The following GPHN variants were observed in gnomAD, a reference collection of about 807,000 sequenced individuals.
GPHN encodes the protein gephyrin.
Under a neutral mutation model 95.5 loss-of-function variants are expected in GPHN, and 17 were observed. The observed-to-expected ratio is 0.18, with a 90% CI of 0.12 to 0.27. The LOEUF is 0.27. GPHN is among the 10% of genes least tolerant of loss of function. The pLI, the probability that GPHN is intolerant of heterozygous loss-of-function variation, is 1.00. For synonymous variants in GPHN, 320 were observed against 322.5 expected (o/e 0.99, Z 0.08); for missense variants, 660 against 978.1 (o/e 0.67, Z 4.34).
rs1397296237 is a variant in GPHN, at chr14:67,095,584, G to A, written c.1238-5272G>A. Among the ~76,000 whole-genome samples the A allele has an allele frequency of 2.6e-5, 4 of 151,764 alleles. No individual in the cohort carries two copies. In the East Asian group the frequency reaches 7.7e-4, roughly 29 times the overall value. On this transcript the variant is annotated intron_variant, in intron 12 of 22. Transcript: ENST00000478722. Reference sequence around the variant, plus strand: ...GAAAATGTGGCACATATACACCATGGAATACTATGCAGCCATAAAAAACGA... The same window carrying A: ...GAAAATGTGGCACATATACACCATGAAATACTATGCAGCCATAAAAAACGA...
chr14:67,594,016 G>A, the GPHN span: 15 of 1,066,352 alleles, frequency 1.4e-5, no homozygotes, highest in Non-Finnish European at 2.1e-5. Flanking sequence ...TCCAGGCAAT[G>A]AGGGGAACAT....
At chr14:66,834,029 A>AAGT (rs1381293550) in intron 4 of GPHN, among the ~76,000 whole-genome samples, 2 of 152,170 alleles carry the variant, frequency 1.3e-5, no homozygotes, top group Non-Finnish European at 2.9e-5. Flanking sequence ...TCTATCGAAG[A>AAGT]GTTCATTGTT....
chr14:66,747,454 A>G (rs567960560), intron 2 of GPHN, among the ~76,000 whole-genome samples: 2 of 152,284 alleles, frequency 1.3e-5, no homozygotes, highest in South Asian at 2.1e-4. Context: ...GAAGTTGACT[A>G]TAAATTAGAT....
intron 9 of GPHN, among the ~76,000 whole-genome samples, chr14:66,993,232 C>G (rs543081812): frequency 6.6e-6 from 1 of 151,910 alleles, no homozygotes; most frequent in East Asian, 1.9e-4. Flanking sequence ...TAGCTATTCT[C>G]TCTCTCTCTT....
chr14:67,517,599 G>T, the GPHN span, among the ~76,000 whole-genome samples: 2 of 152,118 alleles, frequency 1.3e-5, no homozygotes, highest in East Asian at 1.9e-4. Context: ...AAGGTGCAAG[G>T]CATGGCATCA....
chr14:66,651,959 T>G (rs191019127), intron 1 of GPHN, among the ~76,000 whole-genome samples: 2 of 152,156 alleles, frequency 1.3e-5, no homozygotes, highest in East Asian at 3.9e-4. Context: ...AAGTACACAA[T>G]AAATATAATG....
At chr14:67,366,098 TA>T in the GPHN span, among the ~76,000 whole-genome samples, 3 of 149,980 alleles carry the variant, frequency 2.0e-5, no homozygotes, top group Non-Finnish European at 4.5e-5. Flanking sequence ...TTTTTTTTTT[TA>T]AGAATTGGGG....
intron 17 of GPHN, among the ~76,000 whole-genome samples, chr14:67,132,110 C>A (rs2079755435): frequency 6.6e-6 from 1 of 152,152 alleles, no homozygotes; most frequent in Non-Finnish European, 1.5e-5. Context: ...GTGAAGCTAC[C>A]TCTTTATATT....
At chr14:66,941,964 G>A (rs2067454387) in intron 8 of GPHN, among the ~76,000 whole-genome samples, 1 of 152,126 alleles carries the variant, frequency 6.6e-6, no homozygotes, top group Non-Finnish European at 1.5e-5. Flanking sequence ...CAAAAAGATT[G>A]CTTCAGTTTT....
At chr14:67,685,870 C>A in the GPHN span, among the ~76,000 whole-genome samples, 3,832 of 152,154 alleles carry the variant, frequency 0.025, 62 homozygotes, top group Admixed American at 0.032. Flanking sequence ...CCCACCTCGG[C>A]CTCCCAAAGT....
intron 17 of GPHN, among the ~76,000 whole-genome samples, chr14:67,129,756 TAGAAAGAAAGAAAGAAAGAG>T: frequency 8.9e-6 from 1 of 112,060 alleles, no homozygotes; most frequent in South Asian, 2.7e-4. Context: ...CATCATTGAC[TAGAAAGAAAGAAAGAAAGAG>T]AGAAAGAAAG....
intron 1 of GPHN, among the ~76,000 whole-genome samples, chr14:66,541,147 C>T (rs1042706523): frequency 1.3e-5 from 2 of 152,088 alleles, no homozygotes; most frequent in Non-Finnish European, 2.9e-5. Flanking sequence ...AGGGTTTCTC[C>T]ATGTTGGTCA....
chr14:66,647,720 G>A lies in GPHN; in HGVS notation c.65-33387G>A, dbSNP rs116223058. Among the ~76,000 whole-genome samples the A allele has an allele frequency of 9.7e-3, 1,482 of 152,068 alleles. 16 individuals carry two copies. The highest frequency in any genetic ancestry group is 0.029 in the African/African-American group (1,220 of 41,484). On this transcript the variant is annotated intron_variant, in intron 1 of 22. Coordinates refer to ENST00000478722, the MANE Select transcript of GPHN (RefSeq NM_020806.5). ...CTCTCTCATAATATTATATTGTACAGTACTCACCTGGTTTTAGACATCAGT... is the reference window on the plus strand; with the variant it reads ...CTCTCTCATAATATTATATTGTACAATACTCACCTGGTTTTAGACATCAGT...
At position 66,957,121 on chromosome 14, in the gene GPHN, A is replaced by T. The variant is rs550337157; in HGVS notation, c.829-8070A>T. Among the ~76,000 whole-genome samples the T allele has an allele frequency of 2.6e-3, 253 of 95,762 alleles. 1 individual carries two copies. Among genetic ancestry groups the T allele is most frequent in the South Asian group, 0.02 (69 of 3,442 alleles). 62.8% of individuals were successfully genotyped at this position (95,762 alleles called of 152,430 possible). On this transcript the variant is annotated intron_variant, in intron 8 of 22. Coordinates refer to ENST00000478722, the MANE Select transcript of GPHN (RefSeq NM_020806.5). ...CTAAAACTTAAAGTATAATAATAAT[A>T]AAAAAAAAAGAAAAAAAAAGTGTTT...
intron 1 of GPHN, among the ~76,000 whole-genome samples, chr14:66,648,655 G>C (rs1467909866): frequency 6.6e-6 from 1 of 152,142 alleles, no homozygotes; most frequent in Non-Finnish European, 1.5e-5. Flanking sequence ...AGAATAGACT[G>C]TGAGGTTCAC....
the GPHN span, among the ~76,000 whole-genome samples, chr14:67,316,067 TC>T: frequency 2.0e-5 from 3 of 152,214 alleles, no homozygotes; most frequent in Non-Finnish European, 4.4e-5. Context: ...TTTAAGAATC[TC>T]TGGCTTTACA....
chr14:67,051,203 C>T (rs767194956), intron 10 of GPHN, among the ~76,000 whole-genome samples: 1 of 151,224 alleles, frequency 6.6e-6, no homozygotes, highest in Non-Finnish European at 1.5e-5. Flanking sequence ...CAACTGAGCT[C>T]CTGCGGGGAG....
At chr14:67,137,639 C>T (rs1454272475) in intron 17 of GPHN, among the ~76,000 whole-genome samples, 1 of 152,010 alleles carries the variant, frequency 6.6e-6, no homozygotes, top group African/African-American at 2.4e-5. Flanking sequence ...GTGGCGCACT[C>T]TTGTGGTCCC....
In GPHN at chr14:66,591,065, A is replaced by G. The variant is rs187462021; in HGVS notation, c.64+82474A>G. On this transcript the variant is annotated intron_variant, in intron 1 of 22. Transcript: ENST00000478722. ...AAGCAACGATGAAAACCACATGATT[A>G]TCTCAATAGATGCAGAAAAGGCCTC... 3.3e-5 allele frequency among the ~76,000 whole-genome samples: 5 copies of G among 152,344 alleles called. No homozygotes were observed. The East Asian group carries it at 7.7e-4, about 24-fold the overall frequency.
Sources: allele counts gnomAD v4.1 joint callset (sites outside exome capture counted in the v4.1 genomes callset), GRCh38; gene constraint gnomAD v4.1.1; transcripts MANE v1.5; gene names NCBI Gene and HGNC (gene_info 2026-07-23, HGNC 2026-07-21).